KMT2C: variants seen among roughly 807,000 people sequenced by gnomAD.
The protein encoded by KMT2C is histone-lysine N-methyltransferase 2C.
Under a neutral mutation model 507.9 loss-of-function variants are expected in KMT2C, and 88 were observed. The observed-to-expected ratio is 0.17, with a 90% CI of 0.15 to 0.21. The LOEUF (loss-of-function observed/expected upper bound fraction) is 0.21, where lower values mean the gene tolerates loss of function less well. Ranked by LOEUF, KMT2C falls within the 10% of genes least tolerant of loss-of-function variation. The pLI, the probability that KMT2C is intolerant of heterozygous loss-of-function variation, is 1.00. For synonymous variants in KMT2C, 2,049 were observed against 2,080.8 expected (o/e 0.98, Z 0.42); for missense variants, 4,954 against 5,957.8 (o/e 0.83, Z 5.55).
chr7:152,218,336 GTA>G (rs1362700320), intron 23 of KMT2C, among the ~76,000 whole-genome samples: 1 of 151,924 alleles, frequency 6.6e-6, no homozygotes, highest in Non-Finnish European at 1.5e-5. Flanking sequence ...GCTAATTTTT[GTA>G]TTTTTAGTAG....
In KMT2C at chr7:152,346,902, G is replaced by A. The variant is rs983871382; in HGVS notation, c.250+11685C>T. ...AGCACTCTGGGAGGCCGAGGCGGGC[G>A]GATCAGGAGGTCAGGAGATAAGAGA... On this transcript the variant is annotated intron_variant, in intron 2 of 58. Transcript: ENST00000262189. 4.6e-5 allele frequency among the ~76,000 whole-genome samples: 7 copies of A among 151,816 alleles called. No homozygotes were observed. In the East Asian group the frequency reaches 5.8e-4, roughly 13 times the overall value.
At chr7:152,183,532 C>G (rs1300902809) in intron 34 of KMT2C, among the ~76,000 whole-genome samples, 1 of 152,048 alleles carries the variant, frequency 6.6e-6, no homozygotes, top group Admixed American at 6.5e-5. Flanking sequence ...GAGGCCAAGG[C>G]GGGTGGATCA....
intron 2 of KMT2C, among the ~76,000 whole-genome samples, chr7:152,350,104 G>C (rs2097097750): frequency 6.6e-6 from 1 of 152,046 alleles, no homozygotes. Flanking sequence ...TACAAAATCA[G>C]CTGGGCGTGG....
At chr7:152,307,106 C>T (rs767858145) in intron 6 of KMT2C, among the ~76,000 whole-genome samples, 45 of 151,386 alleles carry the variant, frequency 3.0e-4, no homozygotes, top group Non-Finnish European at 5.2e-4. Flanking sequence ...GCCAATGAGC[C>T]GTGATCATGC....
At chr7:152,307,259 A>AAGGACGGACGGT (rs1563803356) in intron 6 of KMT2C, among the ~76,000 whole-genome samples, 1 of 120,362 alleles carries the variant, frequency 8.3e-6, no homozygotes, top group Non-Finnish European at 1.7e-5. Flanking sequence ...GGACGGTAGG[A>AAGGACGGACGGT]AGGAAGGAAG....
At chr7:152,239,487 A>T (rs2095344905) in intron 14 of KMT2C, among the ~76,000 whole-genome samples, 1 of 152,348 alleles carries the variant, frequency 6.6e-6, no homozygotes, top group Non-Finnish European at 1.5e-5. Flanking sequence ...AATTACATCC[A>T]ATGGACAAAA....
intron 23 of KMT2C, among the ~76,000 whole-genome samples, chr7:152,213,498 C>T (rs1563420315): frequency 6.6e-6 from 1 of 151,944 alleles, no homozygotes; most frequent in Non-Finnish European, 1.5e-5. Flanking sequence ...GGTAAGAAAA[C>T]TAGATATCTA....
intron 25 of KMT2C, 82 bp downstream of exon 25, chr7:152,205,024 T>C: frequency 1.2e-6 from 1 of 824,930 alleles, no homozygotes; most frequent in South Asian, 1.8e-5. Context: ...GTAACATTAT[T>C]TAGGATAGTT....
chr7:152,427,816 G>A (rs1414270731), intron 1 of KMT2C, among the ~76,000 whole-genome samples: 1 of 151,946 alleles, frequency 6.6e-6, no homozygotes, highest in Non-Finnish European at 1.5e-5. Context: ...CTACTTCCCC[G>A]AATGCTTAGC....
In KMT2C at chr7:152,180,152, T is replaced by C. The variant is rs756578873; in HGVS notation, c.7150-26A>G. The C allele has an allele frequency of 1.4e-5, 23 of 1,611,444 alleles. 1 individual carries two copies. In the South Asian group the frequency reaches 1.8e-4, roughly 12 times the overall value. On this transcript the variant is annotated intron_variant, in intron 36 of 58. Coordinates refer to ENST00000262189, the MANE Select transcript of KMT2C (RefSeq NM_170606.3). ...CTAAATGGGAAGAAACAAAAATCAC[T>C]GGGATTTGTGGTAATTAATGGCTTT...
chr7:152,315,413 T>C (rs2096713143), intron 3 of KMT2C, 75 bp from the exon 4 acceptor site: 2 of 1,021,122 alleles, frequency 2.0e-6, no homozygotes, highest in Admixed American at 2.1e-5. Context: ...TAACTATAGA[T>C]ACTTGTGCTT....
At chr7:152,311,670 AT>A (rs925676725) in intron 5 of KMT2C, 127 bp downstream of exon 5, 54 of 704,258 alleles carry the variant, frequency 7.7e-5, no homozygotes, top group East Asian at 1.5e-4. Context: ...TTTAATAATG[AT>A]TTTTTTATAG....
chr7:152,182,349 G>A lies in KMT2C; in HGVS notation c.5511C>T (p.Thr1837=), dbSNP rs758983541. The change falls in exon 36 of 59, where the codon ACC becomes ACT. Residue 1837 remains threonine (T), a synonymous_variant. Transcript: ENST00000262189. Reference sequence around the variant, plus strand: ...CATCATCTGAAGATGTAGACGTAGGGGTACTGGGTGGCTGTTTTGTAAACA... The same window carrying A: ...CATCATCTGAAGATGTAGACGTAGGAGTACTGGGTGGCTGTTTTGTAAACA... ...KELFTKQPPS[T]PTSTSSDDVF... is the part of the protein sequence containing the mutation. The A allele has an allele frequency of 4.5e-5, 73 of 1,613,686 alleles. No individual in the cohort carries two copies. The Admixed American group carries it at 1.2e-3, about 26-fold the overall frequency.
chr7:152,201,143 G>T (rs572318758), intron 26 of KMT2C, among the ~76,000 whole-genome samples: 2 of 152,190 alleles, frequency 1.3e-5, no homozygotes, highest in East Asian at 3.9e-4. Context: ...CTTTACTGGT[G>T]TTTATCAAAA....
chr7:152,355,570 C>A (rs10224334), intron 2 of KMT2C, among the ~76,000 whole-genome samples: 9,767 of 149,944 alleles, frequency 0.065, 412 homozygotes, highest in African/African-American at 0.11. Context: ...AACAAACAAA[C>A]AAAAAAAAAC....
At chr7:152,398,658 C>A (rs185207786) in intron 1 of KMT2C, among the ~76,000 whole-genome samples, 1 of 150,554 alleles carries the variant, frequency 6.6e-6, no homozygotes, top group South Asian at 2.1e-4. Context: ...CCTCGGCCTT[C>A]CCAAGTATTG....
chr7:152,156,975 C>G (rs2092094377), intron 44 of KMT2C, among the ~76,000 whole-genome samples: 1 of 152,108 alleles, frequency 6.6e-6, no homozygotes, highest in Admixed American at 6.5e-5. Context: ...TTGGAATCTA[C>G]CAATAACACC....
intron 2 of KMT2C, among the ~76,000 whole-genome samples, chr7:152,330,965 T>C (rs1179589850): frequency 6.6e-6 from 1 of 152,166 alleles, no homozygotes; most frequent in Admixed American, 6.5e-5. Flanking sequence ...TACTTTTCCT[T>C]GTGCCCAAAT....
At chr7:152,150,772 C>T (rs1426225445) in intron 51 of KMT2C, 128 bp downstream of exon 51, 2 of 666,800 alleles carry the variant, frequency 3.0e-6, no homozygotes, top group Non-Finnish European at 5.2e-6. Flanking sequence ...GCCGGGTCAG[C>T]ACCTGCTTTG....
Sources: allele counts gnomAD v4.1 joint callset (sites outside exome capture counted in the v4.1 genomes callset), GRCh38; gene constraint gnomAD v4.1.1; transcripts MANE v1.5; gene names NCBI Gene and HGNC (gene_info 2026-07-23, HGNC 2026-07-21).